Variants in SORCS2 observed in about 807,000 individuals in gnomAD.
SORCS2 encodes the protein sortilin related VPS10 domain containing receptor 2.
Under a neutral mutation model 141.6 loss-of-function variants are expected in SORCS2, and 100 were observed. The observed-to-expected ratio is 0.71, with a 90% CI of 0.60 to 0.83. The LOEUF (loss-of-function observed/expected upper bound fraction) is 0.83. SORCS2 is among the 40% of genes least tolerant of loss of function. The pLI is 0.00. For synonymous variants in SORCS2, 789 were observed against 676.9 expected (o/e 1.17, Z -2.57); for missense variants, 1,646 against 1,560.2 (o/e 1.05, Z -0.93).
At chr4:7,686,683 G>T (rs765514887) in intron 10 of SORCS2, among the ~76,000 whole-genome samples, 1 of 152,236 alleles carries the variant, frequency 6.6e-6, no homozygotes, top group Admixed American at 6.5e-5. Flanking sequence ...CCTGCCACCT[G>T]TGCAGGACAT....
In SORCS2 at chr4:7,316,018, C is replaced by G. The variant is rs1319404228; in HGVS notation, c.481-80270C>G. On this transcript the variant is annotated intron_variant, in intron 1 of 26. Coordinates refer to ENST00000507866, the MANE Select transcript of SORCS2 (RefSeq NM_020777.3). ...TCATATATTCATCTATCCTTTCTAT[C>G]CACCCATTCATCCATCCAACCATCC... Among the ~76,000 whole-genome samples, 3 of 152,064 alleles carry G rather than the reference C, an allele frequency of 2.0e-5. No individual in the cohort carries two copies. The East Asian group carries it at 5.8e-4, about 29-fold the overall frequency.
At chr4:7,510,232 C>A (rs1004637138) in intron 2 of SORCS2, among the ~76,000 whole-genome samples, 11 of 152,324 alleles carry the variant, frequency 7.2e-5, no homozygotes, top group Admixed American at 4.6e-4. Context: ...GAGCGGCCGG[C>A]GGGGCTGAGG....
At position 7,661,500 on chromosome 4, in the gene SORCS2, G is replaced by T. The variant is rs749077261; in HGVS notation, c.888G>T (p.Trp296Cys). ...CCCAGCCTCAGCTCTTCTTTTCCAGGTCTGTGTCTGGGGTGGACGCTGACC... is the reference window on the plus strand; with the variant it reads ...CCCAGCCTCAGCTCTTCTTTTCCAGTTCTGTGTCTGGGGTGGACGCTGACC... Reference protein sequence around the residue: ...QERVTKDHVFWSVSGVDADPD... With the variant: ...QERVTKDHVFCSVSGVDADPD... Residue 296 changes from tryptophan to cysteine, a missense_variant and splice_region_variant, in exon 6 of 27, where the codon TGG (tryptophan) becomes TGT (cysteine). Transcript: ENST00000507866. 3.9e-6 allele frequency: 6 copies of T among 1,551,568 alleles called. No individual in the cohort carries two copies. The highest frequency in any genetic ancestry group is 5.2e-6 in the Non-Finnish European group (6 of 1,146,994).
At chr4:7,227,674 C>T (rs1486158707) in intron 1 of SORCS2, among the ~76,000 whole-genome samples, 8 of 152,264 alleles carry the variant, frequency 5.3e-5, no homozygotes, top group East Asian at 3.9e-4. Context: ...CCTCACCCAC[C>T]GCGCTGCTTC....
chr4:7,723,864 G>A lies in SORCS2; in HGVS notation c.2592G>A (p.Val864=). 1 of 1,608,720 alleles carries A rather than the reference G, an allele frequency of 6.2e-7. No homozygotes were observed. The highest frequency in any genetic ancestry group is 8.5e-7 in the Non-Finnish European group (1 of 1,179,384). The part of the protein sequence containing the change: ...AENTAGHDEA[V]LFVQVNSPLQ... ...ACACGGCAGGCCACGATGAGGCGGTGCTCTTTGTCCAGGTCAACTGTAAGT... is the reference window on the plus strand; with the variant it reads ...ACACGGCAGGCCACGATGAGGCGGTACTCTTTGTCCAGGTCAACTGTAAGT... The change falls in exon 19 of 27, where the codon GTG becomes GTA. Residue 864 remains valine, a synonymous_variant. Transcript: ENST00000507866.
intron 8 of SORCS2, among the ~76,000 whole-genome samples, chr4:7,674,805 G>GAAA (rs113543508): frequency 3.6e-5 from 4 of 112,640 alleles, no homozygotes; most frequent in African/African-American, 1.1e-4. Flanking sequence ...TTATTGTACA[G>GAAA]AAAAAAAAAA....
chr4:7,542,881 C>T (rs1320817975), intron 3 of SORCS2, among the ~76,000 whole-genome samples: 1 of 152,250 alleles, frequency 6.6e-6, no homozygotes, highest in Non-Finnish European at 1.5e-5. Context: ...ACGCTCCACC[C>T]ACGCTTCCTC....
At chr4:7,453,660 A>T (rs1472691316) in intron 2 of SORCS2, among the ~76,000 whole-genome samples, 8 of 75,010 alleles carry the variant, frequency 1.1e-4, no homozygotes, top group East Asian at 4.3e-4. Flanking sequence ...TGGGGTCAGG[A>T]GCTGTGTGTT....
At chr4:7,709,845 C>T (rs1350574346) in intron 14 of SORCS2, among the ~76,000 whole-genome samples, 3 of 152,168 alleles carry the variant, frequency 2.0e-5, no homozygotes, top group Admixed American at 2.0e-4. Context: ...AGGGAGGGGT[C>T]CCCAGGCCCT....
chr4:7,269,721 G>GC (rs971951037), intron 1 of SORCS2, among the ~76,000 whole-genome samples: 12 of 152,144 alleles, frequency 7.9e-5, no homozygotes, highest in African/African-American at 2.9e-4. Context: ...GAAGGAACAA[G>GC]CCCCCCAGCC....
intron 2 of SORCS2, among the ~76,000 whole-genome samples, chr4:7,465,570 G>C (rs1049904110): frequency 1.4e-4 from 21 of 152,044 alleles, no homozygotes; most frequent in African/African-American, 4.6e-4. Context: ...CCTCTCCAGG[G>C]GCTTGTGCTG....
At chr4:7,351,929 C>T (rs1043143316) in intron 1 of SORCS2, among the ~76,000 whole-genome samples, 9 of 152,200 alleles carry the variant, frequency 5.9e-5, no homozygotes, top group African/African-American at 2.2e-4. Context: ...CTCAGCCACT[C>T]ATCTATCCAT....
At chr4:7,686,239 G>C (rs997070597) in intron 10 of SORCS2, among the ~76,000 whole-genome samples, 2 of 152,210 alleles carry the variant, frequency 1.3e-5, no homozygotes, top group African/African-American at 4.8e-5. Context: ...TTGGAAAGTG[G>C]TTTGAATCTG....
chr4:7,212,502 C>G (rs547544401), intron 1 of SORCS2, among the ~76,000 whole-genome samples: 1 of 152,348 alleles, frequency 6.6e-6, no homozygotes, highest in African/African-American at 2.4e-5. Flanking sequence ...TCTAGGCGTT[C>G]TAACATAGGC....
At chr4:7,287,706 T>G (rs2108871136) in intron 1 of SORCS2, among the ~76,000 whole-genome samples, 1 of 152,326 alleles carries the variant, frequency 6.6e-6, no homozygotes, top group East Asian at 1.9e-4. Flanking sequence ...AATTTGACAT[T>G]TGACTGAGAG....
intron 4 of SORCS2, 110 bp downstream of exon 4, chr4:7,638,602 C>G: frequency 8.4e-7 from 1 of 1,190,058 alleles, no homozygotes; most frequent in Non-Finnish European, 1.1e-6. Context: ...CCTGGGCTGG[C>G]TGAGGAGGAG....
chr4:7,477,451 C>T (rs200092153), intron 2 of SORCS2, among the ~76,000 whole-genome samples: 1 of 151,990 alleles, frequency 6.6e-6, no homozygotes, highest in South Asian at 2.1e-4. Context: ...CTGACTGGGG[C>T]TGACCAAGGG....
At chr4:7,421,511 C>T (rs1004377870) in intron 2 of SORCS2, among the ~76,000 whole-genome samples, 6 of 152,188 alleles carry the variant, frequency 3.9e-5, no homozygotes, top group Admixed American at 3.9e-4. Context: ...GGCCTGGCTT[C>T]TAGCCAGCGC....
At chr4:7,734,416 G>A (rs1164051256) in intron 25 of SORCS2, 42 bp downstream of exon 25, 1 of 1,375,682 alleles carries the variant, frequency 7.3e-7, no homozygotes, top group Non-Finnish European at 9.8e-7. Context: ...CTCTGACCAT[G>A]GGGCCGTAGG....
Sources: allele counts gnomAD v4.1 joint callset (sites outside exome capture counted in the v4.1 genomes callset), GRCh38; gene constraint gnomAD v4.1.1; transcripts MANE v1.5; gene names NCBI Gene and HGNC (gene_info 2026-07-23, HGNC 2026-07-21).